The following TBCK variants were observed in gnomAD, a reference collection of about 807,000 sequenced individuals.
The protein encoded by TBCK is TBC domain-containing protein kinase-like protein.
Under a neutral mutation model 113.4 loss-of-function variants are expected in TBCK, and 99 were observed. The observed-to-expected ratio is 0.87, with a 90% CI of 0.74 to 1.03. The LOEUF is 1.03. TBCK is among the 50% of genes least tolerant of loss of function. The pLI is 0.00. For missense variants in TBCK, 1,045 were observed against 1,061.3 expected (o/e 0.98, Z 0.21); for synonymous variants, 369 against 370.8 (o/e 1.00, Z 0.05).
chr4:106,184,226 T>C (rs1752750394), intron 22 of TBCK, among the ~76,000 whole-genome samples: 1 of 152,074 alleles, frequency 6.6e-6, no homozygotes, highest in African/African-American at 2.4e-5. Flanking sequence ...CTCACTATCT[T>C]TGTCAGTACC....
rs912945101 is a variant in TBCK at position 106,251,879 on chromosome 4, A to C, written c.584T>G (p.Phe195Cys). 3.1e-6 allele frequency: 5 copies of C among 1,602,588 alleles called. No homozygotes were observed. In the South Asian group the frequency reaches 3.4e-5, roughly 11 times the overall value. ...SDVWSLGIIL[F>C]ELCVGRKLFQ... ...CTTTATACATACCACACAAAGCTCA[A>C]ATAAAATGATTCCAAGAGACCATAC... Residue 195 changes from phenylalanine (F) to cysteine (C), a missense_variant, in exon 6 of 26, where the codon TTT becomes TGT. Physicochemically the swap from Phe to Cys is radical, Grantham distance 205 (BLOSUM62 -2). Coordinates refer to ENST00000394708, the MANE Select transcript of TBCK (RefSeq NM_001163435.3).
At chr4:106,111,018 C>T (rs755811391) in intron 24 of TBCK, among the ~76,000 whole-genome samples, 15 of 150,772 alleles carry the variant, frequency 9.9e-5, no homozygotes, top group African/African-American at 2.4e-4. Flanking sequence ...TTAAAGAAAA[C>T]GGAGCCACTA....
intron 19 of TBCK, among the ~76,000 whole-genome samples, chr4:106,229,968 G>A (rs954805172): frequency 2.0e-5 from 3 of 151,874 alleles, no homozygotes; most frequent in South Asian, 4.1e-4. Context: ...GCATGCATGG[G>A]AAATGAGATA....
intron 25 of TBCK, among the ~76,000 whole-genome samples, chr4:106,068,821 T>C (rs1405305719): frequency 2.0e-5 from 3 of 152,196 alleles, no homozygotes; most frequent in Non-Finnish European, 4.4e-5. Context: ...CTTTCTGACT[T>C]TTTAATGATC....
chr4:106,208,754 A>G (rs1283712790), intron 20 of TBCK, among the ~76,000 whole-genome samples: 1 of 152,104 alleles, frequency 6.6e-6, no homozygotes, highest in Non-Finnish European at 1.5e-5. Flanking sequence ...AAACAATGGG[A>G]GAAGGGACCT....
chr4:106,184,087 A>T (rs1752730352), intron 22 of TBCK, among the ~76,000 whole-genome samples: 3 of 152,034 alleles, frequency 2.0e-5, no homozygotes, highest in Admixed American at 2.0e-4. Flanking sequence ...TGACTACAGG[A>T]AACTTTAGAC....
chr4:106,047,647 T>C (rs1346989112), intron 25 of TBCK, among the ~76,000 whole-genome samples: 1 of 152,200 alleles, frequency 6.6e-6, no homozygotes, highest in Non-Finnish European at 1.5e-5. Context: ...CCTTACCTCA[T>C]TTATTTAAAT....
chr4:106,202,405 T>A (rs1444063071), intron 20 of TBCK, among the ~76,000 whole-genome samples: 1 of 152,020 alleles, frequency 6.6e-6, no homozygotes, highest in African/African-American at 2.4e-5. Context: ...CCATCCTTCA[T>A]TTTTCTTTTT....
chr4:106,309,715 C>T (rs72878554), intron 1 of TBCK, among the ~76,000 whole-genome samples: 4,088 of 152,034 alleles, frequency 0.027, 177 homozygotes, highest in African/African-American at 0.094. Context: ...CAACTAGTAA[C>T]GAATAGGGGA....
chr4:106,237,536 C>T, intron 12 of TBCK: 2 of 455,744 alleles, frequency 4.4e-6, no homozygotes, highest in Non-Finnish European at 8.8e-6. Flanking sequence ...AGAATGTCTG[C>T]TCCTATGGGG....
intron 25 of TBCK, among the ~76,000 whole-genome samples, chr4:106,064,004 A>C (rs1050185115): frequency 2.0e-5 from 3 of 152,048 alleles, no homozygotes; most frequent in Admixed American, 6.6e-5. Flanking sequence ...TCACCACAAT[A>C]TCTTAAAACT....
Position 106,105,488 on chromosome 4 carries a change from G to T in TBCK, c.2412-9847C>A, listed in dbSNP as rs559643297. On this transcript the variant is annotated intron_variant, in intron 24 of 25. Transcript: ENST00000394708. ...GTCATGAACTATAGCAGGCACTCAAGGGGGAGAGGAGCCCACACTTTCAGA... is the reference window on the plus strand; with the variant it reads ...GTCATGAACTATAGCAGGCACTCAATGGGGAGAGGAGCCCACACTTTCAGA... Among the ~76,000 whole-genome samples, 4 of 152,324 alleles carry T rather than the reference G, an allele frequency of 2.6e-5. No individual in the cohort carries two copies. In the East Asian group the frequency reaches 7.7e-4, roughly 30 times the overall value.
At chr4:106,187,970 G>T (rs1182474553) in intron 22 of TBCK, among the ~76,000 whole-genome samples, 1 of 152,048 alleles carries the variant, frequency 6.6e-6, no homozygotes, top group Non-Finnish European at 1.5e-5. Flanking sequence ...GGGATTTCTA[G>T]GCATAAAATC....
chr4:106,258,724 A>G (rs1762229309), intron 5 of TBCK, among the ~76,000 whole-genome samples: 1 of 152,028 alleles, frequency 6.6e-6, no homozygotes, highest in Admixed American at 6.5e-5. Context: ...TGATTTAGAC[A>G]AAAGAAGCAG....
At chr4:106,311,587 T>C (rs1768203926) in intron 1 of TBCK, among the ~76,000 whole-genome samples, 1 of 152,292 alleles carries the variant, frequency 6.6e-6, no homozygotes, top group East Asian at 1.9e-4. Flanking sequence ...TATGGGTTAC[T>C]ACCAAATTAA....
chr4:106,216,394 C>G (rs559195736), intron 19 of TBCK, among the ~76,000 whole-genome samples: 30 of 151,984 alleles, frequency 2.0e-4, no homozygotes, highest in Middle Eastern at 6.8e-3. Context: ...AATAGAGACA[C>G]AAAAAACCCT....
chr4:106,048,567 C>T (rs1344304547), intron 25 of TBCK, among the ~76,000 whole-genome samples: 2 of 152,206 alleles, frequency 1.3e-5, no homozygotes, highest in Admixed American at 6.5e-5. Flanking sequence ...CATGTGCAGG[C>T]AGCACAGTCC....
chr4:106,068,563 G>C (rs887109505), intron 25 of TBCK, among the ~76,000 whole-genome samples: 2 of 152,130 alleles, frequency 1.3e-5, no homozygotes, highest in Non-Finnish European at 2.9e-5. Context: ...GGATATTTGG[G>C]TTGGTTCCAA....
At chr4:106,218,348 C>T (rs1757239972) in intron 19 of TBCK, among the ~76,000 whole-genome samples, 1 of 150,176 alleles carries the variant, frequency 6.7e-6, no homozygotes, top group Admixed American at 6.6e-5. Context: ...GCAATGGCAA[C>T]AAAAGACAAA....
Sources: gnomAD v4.1 joint callset for allele counts (sites outside exome capture counted in the v4.1 genomes callset) on GRCh38, gnomAD v4.1.1 for gene constraint, MANE v1.5 for transcripts, NCBI Gene and HGNC (gene_info 2026-07-23, HGNC 2026-07-21) for gene names.